The following VTI1A variants were observed in gnomAD, a reference collection of about 807,000 sequenced individuals.
VTI1A encodes the protein vesicle transport through interaction with t-SNAREs homolog 1A.
In VTI1A, 22 loss-of-function variants were observed where a neutral mutation model predicts 34.9. That is an observed-to-expected ratio of 0.63 (90% CI 0.45 to 0.90). The LOEUF (loss-of-function observed/expected upper bound fraction) is 0.90, where lower values mean the gene tolerates loss of function less well. Ranked by LOEUF, VTI1A falls within the 40% of genes least tolerant of loss-of-function variation. The pLI is 0.00. For synonymous variants in VTI1A, 87 were observed against 97.3 expected, an observed-to-expected ratio of 0.89 and a Z score of 0.62; for missense variants, 268 against 275.6, an observed-to-expected ratio of 0.97 and a Z score of 0.20.
At position 112,780,284 on chromosome 10, in the gene VTI1A, A is replaced by G. The variant is rs1373451532; in HGVS notation, c.561-35006A>G. On this transcript the variant is annotated intron_variant, in intron 7 of 7. Coordinates refer to ENST00000393077, the MANE Select transcript of VTI1A (RefSeq NM_145206.4). ...AGACCCTGTCTCTAAAAATAAATAA[A>G]TAAATAAATAAATAAATAAATAAAT... Among the ~76,000 whole-genome samples the G allele has an allele frequency of 5.7e-4, 17 of 29,574 alleles. No homozygotes were observed. The East Asian group carries it at 0.036, about 62-fold the overall frequency. 19.4% of individuals were successfully genotyped at this position (29,574 alleles called of 152,430 possible).
chr10:112,815,985 A>C lies in VTI1A; in HGVS notation c.*602A>C, dbSNP rs148401743. 723 of 218,068 alleles carry C rather than the reference A, an allele frequency of 3.3e-3. 5 individuals are homozygous for C. Among genetic ancestry groups the C allele is most frequent in the African/African-American group, 0.015 (670 of 44,230 alleles). The allele number at this position is 218,068 out of a possible 1,614,324, so 13.5% of individuals were successfully genotyped here. A position where few individuals can be genotyped will look rare whatever the true frequency, so the allele number is the denominator to read the frequency against. On this transcript the variant is annotated 3_prime_UTR_variant, in exon 8 of 8. Transcript: ENST00000393077. ...ACTTTCCCTGTTTTTCTATTGCATA[A>C]TTTTTTTTTTAACCCAAAGATATTT...
chr10:112,573,691 G>A (rs551635717), intron 5 of VTI1A, among the ~76,000 whole-genome samples: 12 of 152,238 alleles, frequency 7.9e-5, no homozygotes, highest in Non-Finnish European at 1.2e-4. Flanking sequence ...GGACACCTCC[G>A]TATTTTCTAG....
At chr10:112,604,910 A>G (rs1845016982) in intron 5 of VTI1A, among the ~76,000 whole-genome samples, 1 of 152,158 alleles carries the variant, frequency 6.6e-6, no homozygotes, top group South Asian at 2.1e-4. Flanking sequence ...GTCATAGTGA[A>G]CATTGTGTTT....
At chr10:112,507,783 T>C (rs1223644727) in intron 3 of VTI1A, among the ~76,000 whole-genome samples, 1 of 152,188 alleles carries the variant, frequency 6.6e-6, no homozygotes, top group Non-Finnish European at 1.5e-5. Context: ...TCACTCTGGC[T>C]CAGGCTCCTT....
chr10:112,507,523 C>T (rs1589842131), intron 3 of VTI1A, among the ~76,000 whole-genome samples: 1 of 152,186 alleles, frequency 6.6e-6, no homozygotes, highest in Non-Finnish European at 1.5e-5. Flanking sequence ...CAGAATGCCT[C>T]AGATAGGTTT....
At chr10:112,591,427 G>A (rs1291803412) in intron 5 of VTI1A, among the ~76,000 whole-genome samples, 1 of 151,842 alleles carries the variant, frequency 6.6e-6, no homozygotes, top group African/African-American at 2.4e-5. Flanking sequence ...GGCTGAAGCA[G>A]GAGAATGGCA....
At chr10:112,792,048 G>A (rs1852498851) in intron 7 of VTI1A, among the ~76,000 whole-genome samples, 1 of 152,138 alleles carries the variant, frequency 6.6e-6, no homozygotes, top group South Asian at 2.1e-4. Context: ...GGCTGAGGCA[G>A]GCGTATCACA....
chr10:112,496,121 G>C (rs572620888), intron 3 of VTI1A, among the ~76,000 whole-genome samples: 1 of 146,920 alleles, frequency 6.8e-6, no homozygotes, highest in Non-Finnish European at 1.5e-5. Flanking sequence ...ACTTTGGGAG[G>C]CCAGGCCTAA....
rs1014191649 is a variant in VTI1A at position 112,797,411 on chromosome 10, G to C, written c.561-17879G>C. Among the ~76,000 whole-genome samples, 4 of 152,178 alleles carry C rather than the reference G, an allele frequency of 2.6e-5. 2 individuals are homozygous for C. On this transcript the variant is annotated intron_variant, in intron 7 of 7. Coordinates refer to ENST00000393077, the MANE Select transcript of VTI1A (RefSeq NM_145206.4). ...AGCTTTCACAAAAGAGGTCCATGTC[G>C]TTAAGACAATTGCTGTAAATCCCCC...
intron 5 of VTI1A, among the ~76,000 whole-genome samples, chr10:112,577,981 G>T (rs1843774291): frequency 6.6e-6 from 1 of 152,134 alleles, no homozygotes; most frequent in Admixed American, 6.5e-5. Flanking sequence ...CGACCTCATA[G>T]ACTTGCTGAG....
At chr10:112,643,480 C>G (rs79080302) in intron 5 of VTI1A, among the ~76,000 whole-genome samples, 300 of 152,232 alleles carry the variant, frequency 2.0e-3, no homozygotes, top group African/African-American at 6.3e-3. Flanking sequence ...GTGATTATTA[C>G]TCTTGAGACC....
rs1040831597 is a variant in VTI1A, at chr10:112,817,008, C to T, written c.*1625C>T. ...GGGATTTTGGCCGAGGGAAGCAGGA[C>T]AGAGAAGGAGCAGGAAGCTATGCTA... On this transcript the variant is annotated 3_prime_UTR_variant, in exon 8 of 8. Transcript: ENST00000393077. 1 of 232,186 alleles carries T rather than the reference C, an allele frequency of 4.3e-6. No individual in the cohort carries two copies. The highest frequency in any genetic ancestry group is 5.6e-5 in the Admixed American group (1 of 17,760). The allele number at this position is 232,186 out of a possible 1,614,324, so 14.4% of individuals were successfully genotyped here.
chr10:112,835,189 G>A, the VTI1A span, among the ~76,000 whole-genome samples: 4 of 152,258 alleles, frequency 2.6e-5, no homozygotes, highest in East Asian at 7.7e-4. Context: ...TCTCATGGAT[G>A]GCAGCCACAC....
intron 7 of VTI1A, among the ~76,000 whole-genome samples, chr10:112,773,820 G>A (rs1004719177): frequency 3.3e-5 from 5 of 152,184 alleles, no homozygotes; most frequent in Non-Finnish European, 7.3e-5. Context: ...TTGTTGCCAG[G>A]ATCTAATATC....
intron 5 of VTI1A, among the ~76,000 whole-genome samples, chr10:112,598,987 T>C (rs978917560): frequency 2.6e-5 from 4 of 152,192 alleles, no homozygotes; most frequent in Admixed American, 1.3e-4. Flanking sequence ...AAGAGTCTGC[T>C]CTATTCCTTC....
rs187354913 is a variant in VTI1A, at chr10:112,572,700, C to T, written c.427+34370C>T. 2.1e-4 allele frequency among the ~76,000 whole-genome samples: 32 copies of T among 151,928 alleles called. No homozygotes were observed. In the East Asian group the frequency reaches 2.5e-3, roughly 12 times the overall value. On this transcript the variant is annotated intron_variant, in intron 5 of 7. Transcript: ENST00000393077. ...AAAAATACAAAAAATTAGCCGGGCG[C>T]GGTGGCGGGCGCCTGTAGTCCCAGC... is the stretch of plus-strand genomic sequence containing the variant.
At chr10:112,458,301 T>G (rs1357110325) in intron 1 of VTI1A, among the ~76,000 whole-genome samples, 1 of 152,200 alleles carries the variant, frequency 6.6e-6, no homozygotes, top group Non-Finnish European at 1.5e-5. Flanking sequence ...TAAGCCTGTC[T>G]TATTTTGTAT....
intron 7 of VTI1A, among the ~76,000 whole-genome samples, chr10:112,697,307 C>T (rs999040540): frequency 6.6e-6 from 1 of 151,836 alleles, no homozygotes; most frequent in African/African-American, 2.4e-5. Context: ...GATTGTCTTG[C>T]CTCAGCCTCC....
intron 5 of VTI1A, among the ~76,000 whole-genome samples, chr10:112,551,323 A>G (rs1851355278): frequency 6.6e-6 from 1 of 151,622 alleles, no homozygotes; most frequent in African/African-American, 2.4e-5. Flanking sequence ...GTTGTTTGCA[A>G]TATATAACAC....
Sources: allele counts gnomAD v4.1 joint callset (sites outside exome capture counted in the v4.1 genomes callset), GRCh38; gene constraint gnomAD v4.1.1; transcripts MANE v1.5; gene names NCBI Gene and HGNC (gene_info 2026-07-23, HGNC 2026-07-21).